NMS: variants seen among roughly 807,000 people sequenced by gnomAD.
NMS encodes the protein neuromedin S.
In NMS, 30 loss-of-function variants were observed where a neutral mutation model predicts 32.2. The observed-to-expected ratio is 0.93, with a 90% confidence interval of 0.70 to 1.26. The LOEUF (loss-of-function observed/expected upper bound fraction) is 1.26, where lower values mean the gene tolerates loss of function less well. Among genes scored for constraint, NMS ranks in the 50% most tolerant of loss-of-function variants. The pLI, the probability that NMS is intolerant of heterozygous loss-of-function variation, is 0.00. For missense variants in NMS, 190 were observed against 186.3 expected (o/e 1.02, Z -0.12); for synonymous variants, 76 against 58.5 (o/e 1.30, Z -1.37).
At chr2:100,481,230 G>C in intron 8 of NMS, 63 bp downstream of exon 8, 1 of 1,492,894 alleles carries the variant, frequency 6.7e-7, no homozygotes, top group South Asian at 1.1e-5. Flanking sequence ...CCCAATCATG[G>C]AGTGACTGCA....
At chr2:100,482,099 A>G (rs1375708755) in intron 8 of NMS, among the ~76,000 whole-genome samples, 178 bp from the exon 9 acceptor site, 1 of 152,172 alleles carries the variant, frequency 6.6e-6, no homozygotes, top group African/African-American at 2.4e-5. Flanking sequence ...GTCCCAGAGG[A>G]CCTACGGACT....
At chr2:100,480,361 G>C in intron 6 of NMS, 135 bp from the exon 7 acceptor site, 1 of 832,770 alleles carries the variant, frequency 1.2e-6, no homozygotes, top group South Asian at 1.7e-5. Context: ...CATTTGCCAT[G>C]CTCTCCACCT....
chr2:100,477,749 G>C (rs898377322), intron 5 of NMS, among the ~76,000 whole-genome samples: 2 of 152,126 alleles, frequency 1.3e-5, no homozygotes, highest in Non-Finnish European at 2.9e-5. Flanking sequence ...CTTGCCATCT[G>C]TTTTTAAGTT....
intron 7 of NMS, 88 bp downstream of exon 7, chr2:100,480,619 C>G (rs1422746408): frequency 7.6e-7 from 1 of 1,308,666 alleles, no homozygotes; most frequent in African/African-American, 1.5e-5. Flanking sequence ...CACCCTGCAG[C>G]CCCTCCAGAC....
chr2:100,480,538 A>G lies in NMS; in HGVS notation c.372+7A>G, dbSNP rs1401521387. 11 of 1,612,652 alleles carry G rather than the reference A, an allele frequency of 6.8e-6. No individual in the cohort carries two copies. The highest frequency in any genetic ancestry group is 9.3e-6 in the Non-Finnish European group (11 of 1,179,980). The stretch of plus-strand genomic sequence containing the variant: ...AGTGGACTTCACCAAGAAGGTACAC[A>G]AGAGCCTTGGAGACTGCGACCCCCA... On this transcript the variant is annotated splice_region_variant and intron_variant, in intron 7 of 9. Coordinates refer to ENST00000376865, the MANE Select transcript of NMS (RefSeq NM_001011717.1).
chr2:100,482,434 A>C, intron 9 of NMS, 123 bp downstream of exon 9: 1 of 918,650 alleles, frequency 1.1e-6, no homozygotes, highest in Non-Finnish European at 1.7e-6. Context: ...AGGACCCTTC[A>C]TAACCCCCAG....
At chr2:100,479,460 G>A in intron 6 of NMS, 33 bp downstream of exon 6, 1 of 1,559,862 alleles carries the variant, frequency 6.4e-7, no homozygotes, top group Non-Finnish European at 8.8e-7. Flanking sequence ...CATAGTTTAT[G>A]CCCCTCACAG....
chr2:100,471,281 T>C (rs964777335), intron 1 of NMS, among the ~76,000 whole-genome samples: 2 of 152,228 alleles, frequency 1.3e-5, no homozygotes, highest in Non-Finnish European at 2.9e-5. Context: ...ATTTTTCCAT[T>C]AGAATTTTGA....
chr2:100,482,055 G>A (rs772131151), intron 8 of NMS, among the ~76,000 whole-genome samples: 8 of 152,154 alleles, frequency 5.3e-5, no homozygotes, highest in Non-Finnish European at 1.0e-4. Context: ...TGACAGTGTT[G>A]GGGTCCTAGG....
chr2:100,475,066 T>A (rs1573234562), intron 3 of NMS, among the ~76,000 whole-genome samples: 1 of 152,122 alleles, frequency 6.6e-6, no homozygotes, highest in Non-Finnish European at 1.5e-5. Flanking sequence ...GTTATGAGGA[T>A]CCCCAAGAGC....
intron 8 of NMS, among the ~76,000 whole-genome samples, 185 bp from the exon 9 acceptor site, chr2:100,482,092 C>A (rs1677229406): frequency 6.6e-6 from 1 of 152,112 alleles, no homozygotes; most frequent in African/African-American, 2.4e-5. Flanking sequence ...GAGCACTGTC[C>A]CAGAGGACCT....
At chr2:100,478,825 A>G (rs1677160777) in intron 5 of NMS, among the ~76,000 whole-genome samples, 1 of 152,250 alleles carries the variant, frequency 6.6e-6, no homozygotes, top group Non-Finnish European at 1.5e-5. Flanking sequence ...CAAACAAACA[A>G]AAAAACTGTA....
intron 3 of NMS, among the ~76,000 whole-genome samples, chr2:100,476,014 AAAG>A (rs1360116023): frequency 6.6e-6 from 1 of 150,524 alleles, no homozygotes; most frequent in Non-Finnish European, 1.5e-5. Context: ...AAAAAAAAGA[AAAG>A]AAAAGAAAAG....
intron 3 of NMS, 150 bp from the exon 4 acceptor site, chr2:100,477,094 T>C (rs6726587): frequency 0.24 from 155,757 of 662,760 alleles, 19,139 homozygotes; most frequent in East Asian, 0.32. Flanking sequence ...ACTCATTAAA[T>C]TTACGTAATA....
intron 1 of NMS, 51 bp downstream of exon 1, chr2:100,470,615 G>A: frequency 2.1e-6 from 3 of 1,420,594 alleles, no homozygotes; most frequent in Non-Finnish European, 3.0e-6. Context: ...GAGGATGTCT[G>A]AGACAGACCT....
At chr2:100,474,984 G>T (rs1425672150) in intron 3 of NMS, among the ~76,000 whole-genome samples, 1 of 152,116 alleles carries the variant, frequency 6.6e-6, no homozygotes, top group Non-Finnish European at 1.5e-5. Flanking sequence ...AAGACTGGGG[G>T]TGTCCTCTGC....
chr2:100,472,721 TC>T (rs1677025282), intron 1 of NMS, 73 bp from the exon 2 acceptor site: 2 of 943,518 alleles, frequency 2.1e-6, no homozygotes, highest in African/African-American at 3.3e-5. Context: ...TGTCTGTTTT[TC>T]ATGATAAAGA....
intron 3 of NMS, among the ~76,000 whole-genome samples, chr2:100,474,121 T>C (rs971989369): frequency 3.3e-5 from 5 of 152,152 alleles, no homozygotes; most frequent in African/African-American, 9.7e-5. Flanking sequence ...GCCGAGATCA[T>C]GCCACCACAC....
At chr2:100,475,588 T>G (rs1297259663) in intron 3 of NMS, among the ~76,000 whole-genome samples, 4 of 152,156 alleles carry the variant, frequency 2.6e-5, no homozygotes, top group Non-Finnish European at 4.4e-5. Flanking sequence ...GACCAGGTGC[T>G]AGGGATGGGG....
Sources: allele counts gnomAD v4.1 joint callset (sites outside exome capture counted in the v4.1 genomes callset), GRCh38; gene constraint gnomAD v4.1.1; transcripts MANE v1.5; gene names NCBI Gene and HGNC (gene_info 2026-07-23, HGNC 2026-07-21).